Variants in RLF observed in about 807,000 individuals in gnomAD.
RLF encodes the protein RLF zinc finger.
A neutral mutation model predicts 162.9 loss-of-function variants in RLF; 7 were observed. That is an observed-to-expected ratio of 0.04 (90% CI 0.02 to 0.08). The LOEUF (loss-of-function observed/expected upper bound fraction) is 0.08, where lower values mean the gene tolerates loss of function less well. Ranked by LOEUF, RLF falls within the 10% of genes least tolerant of loss-of-function variation. RLF has a pLI of 1.00. For synonymous variants in RLF, 782 were observed against 791.5 expected (o/e 0.99, Z 0.20); for missense variants, 1,664 against 2,244.7 (o/e 0.74, Z 5.23).
chr1:40,191,851 G>A (rs1642564759), intron 3 of RLF, among the ~76,000 whole-genome samples: 1 of 152,170 alleles, frequency 6.6e-6, no homozygotes, highest in Non-Finnish European at 1.5e-5. Context: ...TATAGTGTGA[G>A]AATTATTTGA....
At chr1:40,167,747 C>T (rs558548294) in intron 1 of RLF, among the ~76,000 whole-genome samples, 1 of 149,760 alleles carries the variant, frequency 6.7e-6, no homozygotes, top group South Asian at 2.2e-4. Context: ...ATGTCCGTCT[C>T]CCCAACTGGG....
chr1:40,206,096 G>T (rs1341037993), intron 5 of RLF, among the ~76,000 whole-genome samples: 1 of 152,000 alleles, frequency 6.6e-6, no homozygotes, highest in Non-Finnish European at 1.5e-5. Context: ...ATATCCAATT[G>T]CCTAATTACC....
In RLF at chr1:40,221,817, T is replaced by G. The variant is rs12730213; in HGVS notation, c.811-757T>G. 3.0e-3 allele frequency among the ~76,000 whole-genome samples: 443 copies of G among 148,048 alleles called. 5 individuals are homozygous for G. Among genetic ancestry groups the G allele is most frequent in the African/African-American group, 9.0e-3 (356 of 39,468 alleles). On this transcript the variant is annotated intron_variant, in intron 5 of 7. Transcript: ENST00000372771. ...CTGGAGGCTGAGGCAGGAGAATGGC[T>G]TGAACCCGGAAGTCGGAGGTTGCAG...
In RLF at chr1:40,229,448, CTTTTTTTTTTTT is replaced by C. The variant is rs1005418216; in HGVS notation, c.948-2056_948-2045del. Among the ~76,000 whole-genome samples, 22 of 90,982 alleles carry C rather than the reference CTTTTTTTTTTTT, an allele frequency of 2.4e-4. 1 individual carries two copies. Among genetic ancestry groups the C allele is most frequent in the Admixed American group, 2.1e-3 (17 of 7,916 alleles). 59.7% of individuals were successfully genotyped at this position (90,982 alleles called of 152,430 possible). The stretch of plus-strand genomic sequence containing the variant: ...ATCCTGTTAAGCTTTATTCATTTAT[CTTTTTTTTTTTT>C]TTTTTTTTTTTTGAGACAGAGTCTT... On this transcript the variant is annotated intron_variant, in intron 6 of 7. Coordinates refer to ENST00000372771, the MANE Select transcript of RLF (RefSeq NM_012421.4).
intron 6 of RLF, among the ~76,000 whole-genome samples, chr1:40,226,613 T>C (rs1486967564): frequency 6.6e-6 from 1 of 152,248 alleles, no homozygotes; most frequent in African/African-American, 2.4e-5. Flanking sequence ...ATATGTGTTT[T>C]ATTTAACAGA....
At chr1:40,193,127 CAAAA>C (rs76035508) in intron 3 of RLF, among the ~76,000 whole-genome samples, 8 of 65,146 alleles carry the variant, frequency 1.2e-4, no homozygotes, top group Admixed American at 3.7e-4. Flanking sequence ...GTGGTCTTAG[CAAAA>C]AAAAAAAAAA....
chr1:40,209,358 G>A (rs1238384848), intron 5 of RLF, among the ~76,000 whole-genome samples: 1 of 152,152 alleles, frequency 6.6e-6, no homozygotes, highest in East Asian at 1.9e-4. Flanking sequence ...AAAATGGCTG[G>A]ATAGTTTAAA....
At chr1:40,193,295 A>T (rs1195709999) in intron 3 of RLF, among the ~76,000 whole-genome samples, 2 of 152,156 alleles carry the variant, frequency 1.3e-5, no homozygotes, top group South Asian at 2.1e-4. Flanking sequence ...CATTATTTTT[A>T]AAAAATAACT....
At chr1:40,194,418 C>T (rs1642601474) in intron 3 of RLF, among the ~76,000 whole-genome samples, 1 of 152,024 alleles carries the variant, frequency 6.6e-6, no homozygotes, top group African/African-American at 2.4e-5. Context: ...GCAGGTGGAT[C>T]ACCTGAGGTC....
At chr1:40,210,382 A>G (rs1387594556) in intron 5 of RLF, among the ~76,000 whole-genome samples, 7 of 152,186 alleles carry the variant, frequency 4.6e-5, no homozygotes, top group African/African-American at 1.7e-4. Flanking sequence ...GGATGGGTGG[A>G]AAGAATGGTT....
At position 40,237,398 on chromosome 1, in the gene RLF, A is replaced by G. The variant is rs762282231; in HGVS notation, c.2696A>G (p.Gln899Arg). ...KENSDSNSSD[Q>R]LSHSSSASMN... ...AACAGTGACAGTAATTCTAGTGATC[A>G]GTTAAGTCATAGCTCTTCAGCTTCA... Residue 899 changes from glutamine to arginine, a missense_variant, in exon 8 of 8, where the codon CAG (glutamine) becomes CGG (arginine). This residue lies in a region of RLF where 295 missense variants were observed against 317.4 expected (regional missense o/e 0.93). Coordinates refer to ENST00000372771, the MANE Select transcript of RLF (RefSeq NM_012421.4). This position sits in a 1 kb window ranked among gnomAD's most constrained non-coding sequence, Gnocchi z 4.4. The G allele has an allele frequency of 6.8e-6, 11 of 1,613,888 alleles. No homozygotes were observed. The African/African-American group carries it at 1.3e-4, about 20-fold the overall frequency.
chr1:40,238,873 C>T lies in RLF; in HGVS notation c.4171C>T (p.His1391Tyr). ...KHCSDSHNLD[H>Y]IEEPKVLSEA... ...CTGTAGTGATTCTCATAACCTAGAC[C>T]ATATTGAAGAGCCTAAAGTACTTTC... is the stretch of plus-strand genomic sequence containing the variant. The change falls in exon 8 of 8, where the codon CAT (histidine) becomes TAT (tyrosine). Residue 1391 changes from histidine to tyrosine, a missense_variant. By Grantham distance (83) the His-to-Tyr change is moderately conservative. Coordinates refer to ENST00000372771, the MANE Select transcript of RLF (RefSeq NM_012421.4). This position sits in a 1 kb window ranked among gnomAD's most constrained non-coding sequence, Gnocchi z 5.2. The T allele has an allele frequency of 6.2e-7, 1 of 1,614,172 alleles. No homozygotes were observed. Among genetic ancestry groups the T allele is most frequent in the Non-Finnish European group, 8.5e-7 (1 of 1,180,010 alleles).
intron 7 of RLF, among the ~76,000 whole-genome samples, chr1:40,234,756 C>G (rs1461462980): frequency 6.6e-6 from 1 of 152,226 alleles, no homozygotes; most frequent in South Asian, 2.1e-4. Flanking sequence ...TCTGACATAT[C>G]TTGCTTTTCT....
intron 5 of RLF, among the ~76,000 whole-genome samples, chr1:40,207,229 T>A (rs1642809097): frequency 1.3e-5 from 2 of 152,342 alleles, no homozygotes; most frequent in South Asian, 4.1e-4. Context: ...TAATGAAAGG[T>A]ATAGCCTCAT....
intron 6 of RLF, among the ~76,000 whole-genome samples, chr1:40,224,076 T>C (rs1453424770): frequency 6.6e-6 from 1 of 152,230 alleles, no homozygotes; most frequent in Non-Finnish European, 1.5e-5. Flanking sequence ...GAATGTGTTA[T>C]AGATTGTGTT....
chr1:40,230,420 G>GT (rs1045553537), intron 6 of RLF, among the ~76,000 whole-genome samples: 5 of 151,756 alleles, frequency 3.3e-5, no homozygotes, highest in Middle Eastern at 3.4e-3. Flanking sequence ...TTAGTTTAGT[G>GT]TTTTTTTTGT....
chr1:40,176,388 T>G (rs1448248087), intron 1 of RLF, among the ~76,000 whole-genome samples: 1 of 152,240 alleles, frequency 6.6e-6, no homozygotes, highest in Non-Finnish European at 1.5e-5. Context: ...GTGTTTTTCA[T>G]TTTAGCCACT....
intron 5 of RLF, among the ~76,000 whole-genome samples, chr1:40,219,207 A>G (rs1442437073): frequency 6.6e-6 from 1 of 152,122 alleles, no homozygotes; most frequent in Non-Finnish European, 1.5e-5. Context: ...TTTTTAAGTT[A>G]TTTATTTACT....
chr1:40,222,717 ATATT>A lies in RLF; in HGVS notation c.947+10_947+13del, dbSNP rs1326387101. Reference sequence around the variant, plus strand: ...CAAGTGTATATTGTTCTTGGTAAGTATATTTAGTTTTACACTCTTTATTTGTTAG... The same window carrying A: ...CAAGTGTATATTGTTCTTGGTAAGTATAGTTTTACACTCTTTATTTGTTAG... On this transcript the variant is annotated splice_region_variant and intron_variant, in intron 6 of 7. Transcript: ENST00000372771. 1.9e-6 allele frequency: 3 copies of A among 1,611,722 alleles called. No homozygotes were observed. The highest frequency in any genetic ancestry group is 2.5e-6 in the Non-Finnish European group (3 of 1,178,800).
Sources: gnomAD v4.1 joint callset for allele counts (sites outside exome capture counted in the v4.1 genomes callset) on GRCh38, gnomAD v4.1.1 for gene constraint, gnomAD v4.1.1 regional missense constraint, Gnocchi (gnomAD v3.1) non-coding constraint, MANE v1.5 for transcripts, NCBI Gene and HGNC (gene_info 2026-07-23, HGNC 2026-07-21) for gene names.